RASAL1: variants seen among roughly 807,000 people sequenced by gnomAD.
The protein encoded by RASAL1 is rasGAP-activating-like protein 1.
Under a neutral mutation model 96.6 loss-of-function variants are expected in RASAL1, and 72 were observed. The observed-to-expected ratio is 0.75, with a 90% confidence interval of 0.62 to 0.91. The LOEUF (loss-of-function observed/expected upper bound fraction) is 0.91, where lower values mean the gene tolerates loss of function less well. RASAL1 is among the 40% of genes least tolerant of loss of function. The pLI, the probability that RASAL1 is intolerant of heterozygous loss-of-function variation, is 0.00. For missense variants in RASAL1, 1,016 were observed against 1,072.5 expected, an observed-to-expected ratio of 0.95 and a Z score of 0.74; for synonymous variants, 405 against 430.4, an observed-to-expected ratio of 0.94 and a Z score of 0.73.
At chr12:113,119,570 C>T in intron 5 of RASAL1, 127 bp from the exon 6 acceptor site, 1 of 880,180 alleles carries the variant, frequency 1.1e-6, no homozygotes, top group South Asian at 1.5e-5. Flanking sequence ...TGTAGGGGTC[C>T]AGCTAGGGAC....
intron 5 of RASAL1, among the ~76,000 whole-genome samples, chr12:113,119,824 G>A (rs942665676): frequency 2.6e-5 from 4 of 152,248 alleles, no homozygotes; most frequent in South Asian, 2.1e-4. Flanking sequence ...ATTGGCTAGC[G>A]GACACTAGGG....
intron 19 of RASAL1, among the ~76,000 whole-genome samples, 170 bp downstream of exon 19, chr12:113,101,719 C>G (rs1950450957): frequency 6.9e-6 from 1 of 145,150 alleles, no homozygotes; most frequent in South Asian, 2.1e-4. Context: ...ACTGAGGATG[C>G]TTCCCAAGCC....
chr12:113,123,907 C>G (rs569316378), intron 4 of RASAL1, among the ~76,000 whole-genome samples: 1 of 151,978 alleles, frequency 6.6e-6, no homozygotes, highest in South Asian at 2.1e-4. Flanking sequence ...GGAAAAAATA[C>G]TGAGGGATTT....
At position 113,102,191 on chromosome 12, in the gene RASAL1, G is replaced by T. The variant is rs184287388; in HGVS notation, c.2105-182C>A. 8.0e-4 allele frequency among the ~76,000 whole-genome samples: 121 copies of T among 152,086 alleles called. 1 individual carries two copies. Among genetic ancestry groups the T allele is most frequent in the African/African-American group, 2.8e-3 (118 of 41,452 alleles). ...AGCACTTTTGGAGGCTGAGATGGGA[G>T]GATCACTCGAGCCCAAGAGTTCAAG... On this transcript the variant is annotated intron_variant, in intron 18 of 20. Coordinates refer to ENST00000548055, the MANE Select transcript of RASAL1 (RefSeq NM_001301202.2).
At chr12:113,135,808 C>T (rs911386681), upstream of RASAL1, 5 of 225,680 alleles carry the variant, frequency 2.2e-5, no homozygotes, top group Non-Finnish European at 3.5e-5. This position sits in a 1 kb window ranked among gnomAD's most constrained non-coding sequence, Gnocchi z 5.7. Context: ...CACAATCCCG[C>T]CTCCAATGGG....
At chr12:113,111,054 A>T (rs758161742) in intron 13 of RASAL1, among the ~76,000 whole-genome samples, 1 of 152,140 alleles carries the variant, frequency 6.6e-6, no homozygotes, top group Non-Finnish European at 1.5e-5. Flanking sequence ...TGGGGGCTTC[A>T]GTTGGCCACA....
chr12:113,104,875 G>A (rs924470745), intron 16 of RASAL1, among the ~76,000 whole-genome samples: 1 of 152,180 alleles, frequency 6.6e-6, no homozygotes, highest in South Asian at 2.1e-4. Flanking sequence ...TGGTACTTGG[G>A]ACGCGATTCC....
chr12:113,125,665 C>T (rs1433761314), intron 4 of RASAL1, among the ~76,000 whole-genome samples: 1 of 152,172 alleles, frequency 6.6e-6, no homozygotes, highest in Non-Finnish European at 1.5e-5. Context: ...GGTGAGTGAA[C>T]TGCTACCTCT....
At chr12:113,100,799 T>C in intron 19 of RASAL1, 119 bp from the exon 20 acceptor site, 1 of 733,680 alleles carries the variant, frequency 1.4e-6, no homozygotes, top group Non-Finnish European at 2.4e-6. Context: ...TCTACCATCA[T>C]CATCATCATC....
intron 5 of RASAL1, among the ~76,000 whole-genome samples, chr12:113,121,005 A>C (rs1482531693): frequency 6.6e-6 from 1 of 152,188 alleles, no homozygotes; most frequent in Non-Finnish European, 1.5e-5. Flanking sequence ...TTTCTGTTGG[A>C]GTGGCTAAGC....
chr12:113,123,921 G>A (rs539249394), intron 4 of RASAL1, among the ~76,000 whole-genome samples: 11 of 151,990 alleles, frequency 7.2e-5, no homozygotes, highest in South Asian at 2.1e-4. Flanking sequence ...GGGATTTCCC[G>A]TTCTATAAAG....
In RASAL1 at chr12:113,121,501, A is replaced by G. The variant is rs1413811972; in HGVS notation, c.428+8T>C. 2.5e-6 allele frequency: 4 copies of G among 1,613,862 alleles called. No individual in the cohort carries two copies. Among genetic ancestry groups the G allele is most frequent in the African/African-American group, 1.3e-5 (1 of 74,868 alleles). Reference sequence around the variant, plus strand: ...CCACCCTCCACACCACCTCCACCTTAAGCATACCTGGCCTGAAGCACATGG... The same window carrying G: ...CCACCCTCCACACCACCTCCACCTTGAGCATACCTGGCCTGAAGCACATGG... On this transcript the variant is annotated splice_region_variant and intron_variant, in intron 5 of 20. Transcript: ENST00000548055.
intron 1 of RASAL1, among the ~76,000 whole-genome samples, chr12:113,131,256 TG>T (rs1292544519): frequency 3.4e-4 from 12 of 35,176 alleles, no homozygotes; most frequent in East Asian, 2.8e-3. Flanking sequence ...GTGGGGGGGG[TG>T]GGGGGGTCTT....
At chr12:113,102,034 C>T (rs1950467926) in intron 18 of RASAL1, 25 bp from the exon 19 acceptor site, 1 of 1,606,076 alleles carries the variant, frequency 6.2e-7, no homozygotes, top group Non-Finnish European at 8.5e-7. Flanking sequence ...CTTCATTCAT[C>T]AGTAACTCCC....
intron 18 of RASAL1, among the ~76,000 whole-genome samples, chr12:113,102,351 A>G (rs1950479063): frequency 6.6e-6 from 1 of 152,164 alleles, no homozygotes; most frequent in East Asian, 1.9e-4. Context: ...TGAGGTCAGG[A>G]GTTTCAGACC....
At chr12:113,113,652 G>A (rs1950956010) in intron 12 of RASAL1, among the ~76,000 whole-genome samples, 1 of 152,188 alleles carries the variant, frequency 6.6e-6, no homozygotes, top group Admixed American at 6.5e-5. Context: ...AGGGGGTCAT[G>A]ATGCCTGCCT....
chr12:113,114,661 G>A (rs1334208353), intron 12 of RASAL1, 139 bp downstream of exon 12: 1 of 714,372 alleles, frequency 1.4e-6, no homozygotes, highest in Non-Finnish European at 2.5e-6. Context: ...TGTGTGTGAG[G>A]CTTTCAGCTC....
chr12:113,135,512 C>A lies in RASAL1; in HGVS notation c.-50G>T. ...GCAGAAGGGCGCTCAGGTTCCGAGG[C>A]TGGACCAGGGGACGTCTACATGTCA... On this transcript the variant is annotated 5_prime_UTR_variant, in exon 1 of 21. Coordinates refer to ENST00000548055, the MANE Select transcript of RASAL1 (RefSeq NM_001301202.2). This position sits in a 1 kb window ranked among gnomAD's most constrained non-coding sequence, Gnocchi z 5.7. 6.6e-7 allele frequency: 1 copy of A among 1,505,652 alleles called. No homozygotes were observed. The allele number at this position is 1,505,652 out of a possible 1,614,324, so 93.3% of individuals were successfully genotyped here. A position where few individuals can be genotyped will look rare whatever the true frequency, so the allele number is the denominator to read the frequency against.
chr12:113,108,837 CTT>C (rs56395319), intron 13 of RASAL1, among the ~76,000 whole-genome samples: 3,029 of 121,576 alleles, frequency 0.025, 95 homozygotes, highest in African/African-American at 0.083. Flanking sequence ...TTTTTTCTTT[CTT>C]TTTTTTTTTT....
Sources: allele counts gnomAD v4.1 joint callset (sites outside exome capture counted in the v4.1 genomes callset), GRCh38; gene constraint gnomAD v4.1.1; non-coding constraint Gnocchi (gnomAD v3.1); transcripts MANE v1.5; gene names NCBI Gene and HGNC (gene_info 2026-07-23, HGNC 2026-07-21).